TENM4: variants seen among roughly 807,000 people sequenced by gnomAD.
TENM4 encodes the protein teneurin transmembrane protein 4.
Under a neutral mutation model 243.3 loss-of-function variants are expected in TENM4, and 82 were observed. The observed-to-expected ratio is 0.34, with a 90% CI of 0.28 to 0.40. The LOEUF is 0.40. Among genes scored for constraint, TENM4 ranks in the 10% least tolerant of loss-of-function variants. TENM4 has a pLI of 1.00. For missense variants in TENM4, 3,138 were observed against 3,673.3 expected (o/e 0.85, Z 3.77); for synonymous variants, 1,412 against 1,456.3 (o/e 0.97, Z 0.69).
rs558531972 is a variant in TENM4 at position 78,654,805 on chromosome 11, T to TGG, written c.*3251_*3252dup. 7.7e-6 allele frequency: 1 copy of TGG among 129,700 alleles called. No individual in the cohort carries two copies. The highest frequency in any genetic ancestry group is 2.9e-5 in the African/African-American group (1 of 34,882). 8.0% of individuals were successfully genotyped at this position (129,700 alleles called of 1,614,324 possible). A position where few individuals can be genotyped will look rare whatever the true frequency, so the allele number is the denominator to read the frequency against. On this transcript the variant is annotated 3_prime_UTR_variant, in exon 34 of 34. Coordinates refer to ENST00000278550, the MANE Select transcript of TENM4 (RefSeq NM_001098816.3). ...CCTCCAGCAATGTCTGTTTGGGGTG[T>TGG]GGGGGGGTGGGATAAAAAGGAAATC...
At chr11:79,304,788 G>A (rs1424664176) in intron 1 of TENM4, among the ~76,000 whole-genome samples, 1 of 152,156 alleles carries the variant, frequency 6.6e-6, no homozygotes, top group Non-Finnish European at 1.5e-5. Context: ...CATCACAGCT[G>A]CCTCCGCTGC....
intron 6 of TENM4, among the ~76,000 whole-genome samples, chr11:78,904,499 A>C (rs972076903): frequency 6.6e-6 from 1 of 152,068 alleles, no homozygotes; most frequent in African/African-American, 2.4e-5. Context: ...CGTAACGAGA[A>C]AGATGACTTT....
chr11:79,142,913 G>A (rs1862316682), intron 4 of TENM4, among the ~76,000 whole-genome samples: 1 of 151,746 alleles, frequency 6.6e-6, no homozygotes, highest in Non-Finnish European at 1.5e-5. Flanking sequence ...ATGGTGCTGG[G>A]ACATGAAAAA....
intron 4 of TENM4, among the ~76,000 whole-genome samples, chr11:79,143,318 C>T (rs1447622671): frequency 9.2e-5 from 14 of 152,122 alleles, no homozygotes. Context: ...AAATGTGGCA[C>T]ATATACACCA....
At chr11:79,413,237 C>T (rs1252825335) in intron 1 of TENM4, among the ~76,000 whole-genome samples, 1 of 152,182 alleles carries the variant, frequency 6.6e-6, no homozygotes, top group Non-Finnish European at 1.5e-5. Context: ...ACATAGGATT[C>T]CCAAATCTCC....
intron 14 of TENM4, among the ~76,000 whole-genome samples, chr11:78,809,815 A>T (rs1857460111): frequency 6.6e-6 from 1 of 152,194 alleles, no homozygotes; most frequent in Non-Finnish European, 1.5e-5. Flanking sequence ...ATAGCCCATT[A>T]ACAAAATGAT....
chr11:78,786,802 C>T, intron 16 of TENM4, 96 bp downstream of exon 16: 1 of 1,497,124 alleles, frequency 6.7e-7, no homozygotes, highest in Non-Finnish European at 9.0e-7. Flanking sequence ...CCCATCCCCA[C>T]ATGCGATGAG....
intron 1 of TENM4, among the ~76,000 whole-genome samples, chr11:79,334,513 C>T (rs1475247818): frequency 6.6e-6 from 1 of 152,202 alleles, no homozygotes; most frequent in African/African-American, 2.4e-5. Flanking sequence ...TCCATGGCTG[C>T]CCAGCACTGT....
At chr11:78,778,527 C>T in intron 17 of TENM4, 75 bp downstream of exon 17, 3 of 1,464,480 alleles carry the variant, frequency 2.0e-6, no homozygotes, top group Non-Finnish European at 2.8e-6. Flanking sequence ...TTTTTATATA[C>T]ACATTTCTTC....
chr11:79,307,386 C>T lies in TENM4; in HGVS notation c.-320-9843G>A, dbSNP rs931815883. Among the ~76,000 whole-genome samples, 12 of 152,176 alleles carry T rather than the reference C, an allele frequency of 7.9e-5. 1 individual carries two copies. Among genetic ancestry groups the T allele is most frequent in the Admixed American group, 6.5e-4 (10 of 15,280 alleles). ...TTCCACCGGCCGCACAAGCTAGAAA[C>T]CTAGGTCACTCCTGACACCGCTCTC... On this transcript the variant is annotated intron_variant, in intron 1 of 33. Transcript: ENST00000278550.
At chr11:79,362,871 C>G (rs758338355) in intron 1 of TENM4, among the ~76,000 whole-genome samples, 2 of 152,174 alleles carry the variant, frequency 1.3e-5, no homozygotes, top group Non-Finnish European at 2.9e-5. Context: ...GAGCTTTAAC[C>G]GTTATTTTTA....
chr11:79,261,873 C>T (rs144051343), intron 2 of TENM4, among the ~76,000 whole-genome samples: 7 of 152,170 alleles, frequency 4.6e-5, no homozygotes, highest in South Asian at 2.1e-4. Flanking sequence ...GTTATGCTGC[C>T]AACATTTGGT....
In TENM4 at chr11:79,440,045, C is replaced by T. The variant is rs1019961764; in HGVS notation, c.-321+464G>A. Among the ~76,000 whole-genome samples, 3 of 152,112 alleles carry T rather than the reference C, an allele frequency of 2.0e-5. No individual in the cohort carries two copies. The highest frequency in any genetic ancestry group is 2.9e-5 in the Non-Finnish European group (2 of 67,998). ...GCTGCTGCAGCCGGCACTTGCCCCGCAGGGCAGGCTGCAGCCGCTGAAGCC... is the reference window on the plus strand; with the variant it reads ...GCTGCTGCAGCCGGCACTTGCCCCGTAGGGCAGGCTGCAGCCGCTGAAGCC... On this transcript the variant is annotated intron_variant, in intron 1 of 33. Transcript: ENST00000278550. The surrounding 1 kb of genome is among the most constrained non-coding windows in gnomAD (Gnocchi z 4.7).
intron 1 of TENM4, among the ~76,000 whole-genome samples, chr11:79,327,475 T>C (rs768760785): frequency 3.9e-5 from 6 of 152,170 alleles, no homozygotes; most frequent in Non-Finnish European, 5.9e-5. Flanking sequence ...ACATCCATAT[T>C]TATTAGCTCA....
intron 9 of TENM4, among the ~76,000 whole-genome samples, chr11:78,887,118 C>T (rs996924451): frequency 6.6e-6 from 1 of 152,194 alleles, no homozygotes; most frequent in African/African-American, 2.4e-5. Flanking sequence ...TCAACTTGTC[C>T]TCCAAGCTGA....
rs77099547 is a variant in TENM4, at chr11:78,708,795, A to C, written c.4055-280T>G. ...AATCTATCCCCTTAGCCATCCACTA[A>C]ACCTGGATTCATAACTTCTGGGGGT... On this transcript the variant is annotated intron_variant, in intron 26 of 33. Transcript: ENST00000278550. Among the ~76,000 whole-genome samples, 709 of 152,160 alleles carry C rather than the reference A, an allele frequency of 4.7e-3. 15 individuals are homozygous for C. Among genetic ancestry groups the C allele is most frequent in the East Asian group, 0.012 (62 of 5,176 alleles).
chr11:79,060,166 T>C (rs951136855), intron 6 of TENM4, among the ~76,000 whole-genome samples: 2 of 152,204 alleles, frequency 1.3e-5, no homozygotes, highest in Middle Eastern at 3.2e-3. Flanking sequence ...ATGCCGACTG[T>C]TCCTGACAGG....
At chr11:78,820,834 GTCTCCCAGAAGCACAAACACAAGCAGGC>G in intron 12 of TENM4, among the ~76,000 whole-genome samples, 1 of 152,228 alleles carries the variant, frequency 6.6e-6, no homozygotes, top group Non-Finnish European at 1.5e-5. Flanking sequence ...AATTAAACTT[GTCTCCCAGAAGCACAAACACAAGCAGGC>G]TCCTGCCAAC....
At chr11:78,983,108 T>C (rs112108392) in intron 6 of TENM4, among the ~76,000 whole-genome samples, 18 of 152,338 alleles carry the variant, frequency 1.2e-4, no homozygotes, top group African/African-American at 4.3e-4. Context: ...GCCACATTCA[T>C]AGGAGGAGGA....
Sources: allele counts gnomAD v4.1 joint callset (sites outside exome capture counted in the v4.1 genomes callset), GRCh38; gene constraint gnomAD v4.1.1; non-coding constraint Gnocchi (gnomAD v3.1); transcripts MANE v1.5; gene names NCBI Gene and HGNC (gene_info 2026-07-23, HGNC 2026-07-21).